The following NUBPL variants were observed in gnomAD, a reference collection of about 807,000 sequenced individuals.
NUBPL encodes iron-sulfur cluster transfer protein NUBPL.
In NUBPL, 31 loss-of-function variants were observed where a neutral mutation model predicts 45.7. That is an observed-to-expected ratio of 0.68 (90% CI 0.51 to 0.92). The LOEUF is 0.92. Among genes scored for constraint, NUBPL ranks in the 40% least tolerant of loss-of-function variants. NUBPL has a pLI of 0.00. For synonymous variants in NUBPL, 144 were observed against 140.9 expected (o/e 1.02, Z -0.15); for missense variants, 401 against 398.7 (o/e 1.01, Z -0.05).
chr14:31,715,079 G>C (rs2037658445), intron 6 of NUBPL, among the ~76,000 whole-genome samples: 2 of 152,144 alleles, frequency 1.3e-5, no homozygotes, highest in Admixed American at 1.3e-4. Context: ...CCATGCTTTA[G>C]TCAGGGTTGG....
chr14:31,568,431 A>G (rs2033495931), intron 3 of NUBPL, among the ~76,000 whole-genome samples: 1 of 152,230 alleles, frequency 6.6e-6, no homozygotes, highest in South Asian at 2.1e-4. Flanking sequence ...ACTGATTTTC[A>G]ATGTGAAAAT....
At chr14:31,749,295 C>A (rs142769355) in intron 6 of NUBPL, among the ~76,000 whole-genome samples, 164 of 152,126 alleles carry the variant, frequency 1.1e-3, no homozygotes, top group African/African-American at 3.9e-3. Context: ...TCTGTTCTAC[C>A]TGAATTTTAT....
chr14:31,747,957 A>G (rs1453341837), intron 6 of NUBPL, among the ~76,000 whole-genome samples: 1 of 152,046 alleles, frequency 6.6e-6, no homozygotes, highest in African/African-American at 2.4e-5. Flanking sequence ...CTTTCCTCTT[A>G]GAACTGCTTT....
intron 4 of NUBPL, among the ~76,000 whole-genome samples, chr14:31,612,713 GATC>G (rs1383885601): frequency 3.9e-5 from 6 of 152,032 alleles, no homozygotes; most frequent in Non-Finnish European, 7.4e-5. Flanking sequence ...CAACATTACT[GATC>G]ATCAGAGAAA....
intron 6 of NUBPL, among the ~76,000 whole-genome samples, chr14:31,771,386 G>T (rs1007624728): frequency 1.3e-5 from 2 of 152,152 alleles, no homozygotes; most frequent in African/African-American, 4.8e-5. Context: ...CTTACATTGT[G>T]TAATAATTTT....
At chr14:31,620,469 G>C (rs1187436254) in intron 4 of NUBPL, among the ~76,000 whole-genome samples, 1 of 152,084 alleles carries the variant, frequency 6.6e-6, no homozygotes, top group Non-Finnish European at 1.5e-5. Context: ...TCTCTGAGTG[G>C]TTGTCCTTTT....
intron 3 of NUBPL, among the ~76,000 whole-genome samples, chr14:31,578,506 A>G (rs1228270838): frequency 6.6e-6 from 1 of 152,242 alleles, no homozygotes; most frequent in Admixed American, 6.5e-5. Context: ...ACCACTGTGC[A>G]GAAATGGGTC....
At chr14:31,680,549 A>G (rs1187776745) in intron 6 of NUBPL, among the ~76,000 whole-genome samples, 8 of 151,642 alleles carry the variant, frequency 5.3e-5, no homozygotes, top group Non-Finnish European at 8.8e-5. Flanking sequence ...TCTGATGTTA[A>G]TGTTTTCTTG....
intron 6 of NUBPL, among the ~76,000 whole-genome samples, chr14:31,753,976 A>G (rs1162214052): frequency 6.6e-6 from 1 of 151,946 alleles, no homozygotes; most frequent in Non-Finnish European, 1.5e-5. Context: ...TTCTCTCTAC[A>G]AAAAATGGTA....
chr14:31,567,575 T>C (rs1001709440), intron 3 of NUBPL, among the ~76,000 whole-genome samples: 1 of 152,250 alleles, frequency 6.6e-6, no homozygotes, highest in African/African-American at 2.4e-5. Flanking sequence ...TTCTTCTGAT[T>C]TTGTTTTTCA....
At chr14:31,773,687 C>G (rs1176927324) in intron 6 of NUBPL, among the ~76,000 whole-genome samples, 1 of 152,130 alleles carries the variant, frequency 6.6e-6, no homozygotes, top group Non-Finnish European at 1.5e-5. Context: ...GAGTAATGTT[C>G]TGTTTGCTAG....
chr14:31,747,604 T>A (rs1398797938), intron 6 of NUBPL, among the ~76,000 whole-genome samples: 4 of 152,192 alleles, frequency 2.6e-5, no homozygotes, highest in Non-Finnish European at 5.9e-5. Flanking sequence ...TGGCATATAT[T>A]TGCTTATAGT....
intron 6 of NUBPL, among the ~76,000 whole-genome samples, chr14:31,761,526 T>G (rs981972854): frequency 1.3e-5 from 2 of 152,248 alleles, no homozygotes; most frequent in African/African-American, 4.8e-5. Flanking sequence ...AATTGCTTAG[T>G]AAGCATTTTC....
chr14:31,647,825 G>A (rs1024877705), intron 4 of NUBPL, among the ~76,000 whole-genome samples: 9 of 152,170 alleles, frequency 5.9e-5, no homozygotes, highest in East Asian at 3.8e-4. Context: ...GTTTTCAGCC[G>A]TTTTGGCTAT....
intron 6 of NUBPL, among the ~76,000 whole-genome samples, chr14:31,749,121 A>G (rs2038464988): frequency 6.6e-6 from 1 of 152,210 alleles, no homozygotes; most frequent in African/African-American, 2.4e-5. Flanking sequence ...AATAACAGTC[A>G]AGATTATTGA....
intron 6 of NUBPL, among the ~76,000 whole-genome samples, chr14:31,750,418 C>G (rs1050580891): frequency 6.7e-6 from 1 of 150,098 alleles, no homozygotes; most frequent in African/African-American, 2.4e-5. Context: ...ACCGTGGTCT[C>G]GATCTCCTGA....
intron 9 of NUBPL, 191 bp from the exon 10 acceptor site, chr14:31,849,928 T>C: frequency 1.6e-6 from 1 of 617,604 alleles, no homozygotes; most frequent in Admixed American, 2.7e-5. Flanking sequence ...ATCACTGTAC[T>C]ACTCTAAAAT....
At chr14:31,696,259 C>T (rs2037212562) in intron 6 of NUBPL, among the ~76,000 whole-genome samples, 1 of 152,174 alleles carries the variant, frequency 6.6e-6, no homozygotes, top group Admixed American at 6.5e-5. Flanking sequence ...CTTCTTGGGT[C>T]AACTCTAGTT....
chr14:31,578,101 G>C, intron 3 of NUBPL: 1 of 606,830 alleles, frequency 1.6e-6, no homozygotes, highest in Non-Finnish European at 2.7e-6. Context: ...TTTCTAAAAT[G>C]TCCATAATAT....
Sources: allele counts gnomAD v4.1 joint callset (sites outside exome capture counted in the v4.1 genomes callset), GRCh38; gene constraint gnomAD v4.1.1; transcripts MANE v1.5; gene names NCBI Gene and HGNC (gene_info 2026-07-23, HGNC 2026-07-21).